Variants in RERE observed in about 807,000 individuals in gnomAD.
The protein encoded by RERE is arginine-glutamic acid dipeptide repeats.
In RERE, 40 loss-of-function variants were observed where a neutral mutation model predicts 146.1. The ratio of observed to expected loss-of-function variants is 0.27; its 90% CI spans 0.21 to 0.36. The LOEUF (loss-of-function observed/expected upper bound fraction) is 0.36, where lower values mean the gene tolerates loss of function less well. RERE is among the 10% of genes least tolerant of loss of function. The pLI, the probability that RERE is intolerant of heterozygous loss-of-function variation, is 1.00. For synonymous variants in RERE, 1,003 were observed against 866.0 expected (o/e 1.16, Z -2.78); for missense variants, 1,933 against 2,138.7 (o/e 0.90, Z 1.90).
chr1:8,588,471 G>A (rs1191682977), intron 4 of RERE, among the ~76,000 whole-genome samples: 2 of 152,060 alleles, frequency 1.3e-5, no homozygotes, highest in East Asian at 3.9e-4. Context: ...GGCCATGCTT[G>A]GTTTTATGTA....
intron 11 of RERE, among the ~76,000 whole-genome samples, chr1:8,450,418 A>ACC (rs1196516630): frequency 6.6e-6 from 1 of 151,108 alleles, no homozygotes; most frequent in African/African-American, 2.4e-5. Context: ...TCTCCATGGG[A>ACC]CCTAAATGAC....
intron 11 of RERE, among the ~76,000 whole-genome samples, chr1:8,449,222 T>A (rs1454481088): frequency 4.6e-5 from 7 of 152,266 alleles, no homozygotes; most frequent in Admixed American, 2.0e-4. Flanking sequence ...TATCCACACA[T>A]CAAGCTCCTT....
chr1:8,624,505 C>T, intron 2 of RERE, 125 bp from the exon 3 acceptor site: 2 of 595,826 alleles, frequency 3.4e-6, no homozygotes, highest in East Asian at 3.0e-5. Context: ...AAATTTTTTC[C>T]AAAAGATGAT....
At chr1:8,675,925 T>C (rs1007553559) in intron 1 of RERE, among the ~76,000 whole-genome samples, 1 of 152,206 alleles carries the variant, frequency 6.6e-6, no homozygotes, top group Non-Finnish European at 1.5e-5. Flanking sequence ...CCAATGAGCA[T>C]TTCTTTTGAG....
At position 8,360,397 on chromosome 1, in the gene RERE, T is replaced by C; in HGVS notation, c.3110A>G (p.His1037Arg). 9.3e-7 allele frequency: 1 copy of C among 1,077,516 alleles called. No homozygotes were observed. The highest frequency in any genetic ancestry group is 4.4e-4 in the Middle Eastern group (1 of 2,278). 66.7% of individuals were successfully genotyped at this position (1,077,516 alleles called of 1,614,324 possible). A position where few individuals can be genotyped will look rare whatever the true frequency, so the allele number is the denominator to read the frequency against. The change falls in exon 18 of 23, where the codon CAC (histidine) becomes CGC (arginine). Residue 1037 changes from histidine to arginine, a missense_variant. Physicochemically the swap from His to Arg is conservative, Grantham distance 29. Transcript: ENST00000400908. ...QVAPQPPFAQ[H>R]PFVPGGPPPI... ...AGGAGGGCCTCCAGGGACAAAGGGGTGCTGAGCAAACGGGGGTTGGGGGGC... is the reference window on the plus strand; with the variant it reads ...AGGAGGGCCTCCAGGGACAAAGGGGCGCTGAGCAAACGGGGGTTGGGGGGC...
intron 10 of RERE, among the ~76,000 whole-genome samples, chr1:8,474,025 A>T (rs914907626): frequency 6.6e-6 from 1 of 152,256 alleles, no homozygotes; most frequent in African/African-American, 2.4e-5. Context: ...TGCTACAAGA[A>T]AAACATTTCT....
intron 12 of RERE, among the ~76,000 whole-genome samples, chr1:8,401,038 CATATATATATATATATATATATATAT>C (rs59752248): frequency 1.7e-5 from 1 of 57,482 alleles, no homozygotes; most frequent in Non-Finnish European, 3.5e-5. Flanking sequence ...AAAAAAAAAC[CATATATATATATATATATATATATAT>C]ATATATATGT....
At chr1:8,594,007 AAAC>A (rs1214025124) in intron 4 of RERE, among the ~76,000 whole-genome samples, 3 of 152,222 alleles carry the variant, frequency 2.0e-5, no homozygotes, top group Admixed American at 2.0e-4. Context: ...TGTTTATCTT[AAAC>A]AACTACGATT....
chr1:8,635,028 C>A (rs540806801), intron 2 of RERE, among the ~76,000 whole-genome samples: 1 of 152,224 alleles, frequency 6.6e-6, no homozygotes, highest in Non-Finnish European at 1.5e-5. Context: ...AGCCACCGCG[C>A]CTGGCCTGAA....
At chr1:8,782,871 A>T (rs1373454796) in intron 1 of RERE, among the ~76,000 whole-genome samples, 1 of 152,022 alleles carries the variant, frequency 6.6e-6, no homozygotes. Flanking sequence ...GCGCCACTAC[A>T]CTCCAGCCTG....
chr1:8,414,389 CTACTAAAAA>C (rs1643703179), intron 12 of RERE, among the ~76,000 whole-genome samples: 1 of 150,682 alleles, frequency 6.6e-6, no homozygotes, highest in South Asian at 2.1e-4. Context: ...TACTAAAACT[CTACTAAAAA>C]TACAAAACTC....
intron 1 of RERE, among the ~76,000 whole-genome samples, chr1:8,657,062 G>T (rs1226146590): frequency 1.3e-5 from 2 of 152,164 alleles, no homozygotes; most frequent in Non-Finnish European, 2.9e-5. Flanking sequence ...CAGCGCTTTG[G>T]GAGGCCGAGG....
chr1:8,460,544 A>AT (rs775491129), intron 11 of RERE, among the ~76,000 whole-genome samples: 61 of 152,372 alleles, frequency 4.0e-4, no homozygotes, highest in Middle Eastern at 3.4e-3. Flanking sequence ...ATTAAGGTTT[A>AT]TCACTACCAC....
intron 1 of RERE, among the ~76,000 whole-genome samples, chr1:8,684,435 C>T (rs1639040173): frequency 6.6e-6 from 1 of 152,154 alleles, no homozygotes; most frequent in East Asian, 1.9e-4. Context: ...CCCCGCCCTC[C>T]TCTCATATGA....
chr1:8,665,255 T>C lies in RERE; in HGVS notation c.-144-8814A>G, dbSNP rs796281812. ...AGGTTAAATTCCCTTCATAGCATTTTCCACAACTGTAACTTTACATTTACT... is the reference window on the plus strand; with the variant it reads ...AGGTTAAATTCCCTTCATAGCATTTCCCACAACTGTAACTTTACATTTACT... On this transcript the variant is annotated intron_variant, in intron 1 of 22. Transcript: ENST00000400908. Among the ~76,000 whole-genome samples the C allele has an allele frequency of 4.6e-5, 7 of 152,344 alleles. 1 individual carries two copies. The highest frequency in any genetic ancestry group is 1.7e-4 in the African/African-American group (7 of 41,586).
chr1:8,528,118 A>G (rs1645592905), intron 7 of RERE, among the ~76,000 whole-genome samples: 1 of 152,222 alleles, frequency 6.6e-6, no homozygotes, highest in Admixed American at 6.5e-5. Context: ...TATCACTCAT[A>G]TAGTATGGCT....
chr1:8,638,893 C>A (rs939136591), intron 2 of RERE, among the ~76,000 whole-genome samples: 1 of 148,910 alleles, frequency 6.7e-6, no homozygotes, highest in Non-Finnish European at 1.5e-5. Context: ...CTTGCCTCAG[C>A]CTTCTGAGTA....
chr1:8,793,336 A>G (rs1641403552), intron 1 of RERE, among the ~76,000 whole-genome samples: 1 of 152,168 alleles, frequency 6.6e-6, no homozygotes, highest in African/African-American at 2.4e-5. Flanking sequence ...GCCTATCAAC[A>G]GCATGTGATA....
chr1:8,356,200 A>T lies in RERE; in HGVS notation c.4386T>A (p.Gly1462=). Reference sequence around the variant, plus strand: ...GGTAGGGGAAGCGAGCCAGGTGGGGACCGGCAGTCAGGGGGTCGACCAGCG... The same window carrying T: ...GGTAGGGGAAGCGAGCCAGGTGGGGTCCGGCAGTCAGGGGGTCGACCAGCG... ...VHPLVDPLTA[G]PHLARFPYPP... is the part of the protein sequence containing the mutation. Residue 1462 remains glycine, a synonymous_variant, in exon 21 of 23, where the codon GGT becomes GGA. Coordinates refer to ENST00000400908, the MANE Select transcript of RERE (RefSeq NM_001042681.2). This position sits in a 1 kb window ranked among gnomAD's most constrained non-coding sequence, Gnocchi z 5.2. 6.6e-7 allele frequency: 1 copy of T among 1,522,612 alleles called. No individual in the cohort carries two copies. The highest frequency in any genetic ancestry group is 8.7e-7 in the Non-Finnish European group (1 of 1,146,386). 94.3% of individuals were successfully genotyped at this position (1,522,612 alleles called of 1,614,324 possible). A position where few individuals can be genotyped will look rare whatever the true frequency, so the allele number is the denominator to read the frequency against.
Sources: allele counts gnomAD v4.1 joint callset (sites outside exome capture counted in the v4.1 genomes callset), GRCh38; gene constraint gnomAD v4.1.1; non-coding constraint Gnocchi (gnomAD v3.1); transcripts MANE v1.5; gene names NCBI Gene and HGNC (gene_info 2026-07-23, HGNC 2026-07-21).